DGKD: variants seen among roughly 807,000 people sequenced by gnomAD.
DGKD encodes diacylglycerol kinase delta.
Under a neutral mutation model 154.4 loss-of-function variants are expected in DGKD, and 68 were observed. The observed-to-expected ratio is 0.44, with a 90% CI of 0.36 to 0.54. The LOEUF (loss-of-function observed/expected upper bound fraction) is 0.54, where lower values mean the gene tolerates loss of function less well. Among genes scored for constraint, DGKD ranks in the 20% least tolerant of loss-of-function variants. DGKD has a pLI of 0.00. For missense variants in DGKD, 1,343 were observed against 1,593.6 expected (o/e 0.84, Z 2.68); for synonymous variants, 693 against 638.0 (o/e 1.09, Z -1.30).
chr2:233,379,514 G>T (rs1702773293), intron 1 of DGKD, among the ~76,000 whole-genome samples: 1 of 152,140 alleles, frequency 6.6e-6, no homozygotes, highest in African/African-American at 2.4e-5. Context: ...AGTCACCTGG[G>T]AGTTTTTAAC....
At chr2:233,382,340 T>C (rs879652644) in intron 1 of DGKD, among the ~76,000 whole-genome samples, 9 of 152,222 alleles carry the variant, frequency 5.9e-5, no homozygotes, top group African/African-American at 2.2e-4. Context: ...ATTTCCACTT[T>C]TGGGGGGCTT....
chr2:233,367,772 G>T (rs1183474416), intron 1 of DGKD, among the ~76,000 whole-genome samples: 3 of 151,568 alleles, frequency 2.0e-5, no homozygotes, highest in African/African-American at 7.3e-5. Flanking sequence ...AGGTGGGTGT[G>T]TCCTGTCAGG....
At chr2:233,421,626 C>T (rs1039808306) in intron 3 of DGKD, among the ~76,000 whole-genome samples, 2 of 152,080 alleles carry the variant, frequency 1.3e-5, no homozygotes, top group Non-Finnish European at 2.9e-5. Context: ...CTGCTCAGCC[C>T]TTCCCACCTC....
intron 1 of DGKD, among the ~76,000 whole-genome samples, chr2:233,384,389 A>C (rs1332312062): frequency 6.6e-6 from 1 of 151,806 alleles, no homozygotes; most frequent in East Asian, 1.9e-4. Context: ...CTGGGTTCCC[A>C]TTTCCCTGGG....
chr2:233,444,737 G>A (rs895231804), intron 10 of DGKD, among the ~76,000 whole-genome samples: 16 of 150,390 alleles, frequency 1.1e-4, no homozygotes, highest in African/African-American at 3.9e-4. Context: ...ACCTTCCCTG[G>A]TGTTTGCTGT....
chr2:233,403,730 C>G lies in DGKD; in HGVS notation c.348+13247C>G, dbSNP rs919316472. Among the ~76,000 whole-genome samples, 5 of 151,620 alleles carry G rather than the reference C, an allele frequency of 3.3e-5. No individual in the cohort carries two copies. The East Asian group carries it at 9.9e-4, about 30-fold the overall frequency. On this transcript the variant is annotated intron_variant, in intron 3 of 29. Coordinates refer to ENST00000264057, the MANE Select transcript of DGKD (RefSeq NM_152879.3). ...TTTAGGCTCATTGCAACCTCTGCCT[C>G]CCGGGTTCAAGCAATTCTCCTGCCT...
At chr2:233,386,068 T>G (rs1269137638) in intron 1 of DGKD, 3 of 452,404 alleles carry the variant, frequency 6.6e-6, no homozygotes, top group African/African-American at 6.0e-5. Context: ...ATGTATGAGA[T>G]GTGTAGCAGG....
At chr2:233,364,111 A>T (rs967692158) in intron 1 of DGKD, among the ~76,000 whole-genome samples, 9 of 152,246 alleles carry the variant, frequency 5.9e-5, no homozygotes, top group Non-Finnish European at 1.3e-4. Context: ...ACCAAACAAA[A>T]AAAGAATGAC....
Position 233,441,199 on chromosome 2 carries a change from C to T in DGKD, c.1086-688C>T, listed in dbSNP as rs1055918973. 2.5e-4 allele frequency among the ~76,000 whole-genome samples: 38 copies of T among 152,164 alleles called. No individual in the cohort carries two copies. Among genetic ancestry groups the T allele is most frequent in the Middle Eastern group, 3.4e-3 (1 of 294 alleles). ...GCGGCACTGGTCTCCTGAGTGGGGA[C>T]GCTGCTGGGCAGGGGCAGGGGGAGC... On this transcript the variant is annotated intron_variant, in intron 9 of 29. Transcript: ENST00000264057. This position sits in a 1 kb window ranked among gnomAD's most constrained non-coding sequence, Gnocchi z 5.6.
intron 5 of DGKD, among the ~76,000 whole-genome samples, chr2:233,435,494 T>C (rs1036622057): frequency 6.6e-6 from 1 of 152,196 alleles, no homozygotes; most frequent in Non-Finnish European, 1.5e-5. Flanking sequence ...TTTGTGCCCG[T>C]AAAAAAACAT....
chr2:233,396,973 G>GA (rs1559501164), intron 3 of DGKD, among the ~76,000 whole-genome samples: 11 of 120,616 alleles, frequency 9.1e-5, no homozygotes, highest in South Asian at 3.0e-4. Context: ...CAGGGTGGCT[G>GA]GGGGGGGCAG....
intron 3 of DGKD, among the ~76,000 whole-genome samples, chr2:233,416,322 C>A (rs2061959841): frequency 6.6e-6 from 1 of 152,152 alleles, no homozygotes; most frequent in African/African-American, 2.4e-5. Flanking sequence ...CACAAACAGG[C>A]TTGAATCAAT....
rs928851495 is a variant in DGKD, at chr2:233,419,107, A to G, written c.349-15273A>G. On this transcript the variant is annotated intron_variant, in intron 3 of 29. Coordinates refer to ENST00000264057, the MANE Select transcript of DGKD (RefSeq NM_152879.3). Reference sequence around the variant, plus strand: ...ATCGGAACAGCAGGATGTGAGTAACAGGAAGTGACAGAAATGACCCAGGGC... The same window carrying G: ...ATCGGAACAGCAGGATGTGAGTAACGGGAAGTGACAGAAATGACCCAGGGC... The G allele has an allele frequency of 2.1e-5, 9 of 438,706 alleles. No homozygotes were observed. The East Asian group carries it at 1.3e-3, about 61-fold the overall frequency. 27.2% of individuals were successfully genotyped at this position (438,706 alleles called of 1,614,324 possible).
intron 19 of DGKD, among the ~76,000 whole-genome samples, chr2:233,456,440 C>T (rs2063464733): frequency 2.0e-5 from 3 of 152,204 alleles, no homozygotes; most frequent in Admixed American, 2.0e-4. Flanking sequence ...TGAGGAAATA[C>T]ATAGCAGCAC....
chr2:233,408,514 C>T (rs2061742670), intron 3 of DGKD, among the ~76,000 whole-genome samples: 1 of 152,200 alleles, frequency 6.6e-6, no homozygotes. Flanking sequence ...AGCTCCTGCC[C>T]CCTGGGCTCA....
chr2:233,386,236 C>T, intron 1 of DGKD: 2 of 323,876 alleles, frequency 6.2e-6, no homozygotes, highest in Non-Finnish European at 1.2e-5. Context: ...GAATGGGGGG[C>T]CAGGAGAGAC....
At position 233,354,885 on chromosome 2, in the gene DGKD, C is replaced by T. The variant is rs1701468856; in HGVS notation, c.156+211C>T. On this transcript the variant is annotated intron_variant, in intron 1 of 29. Transcript: ENST00000264057. The surrounding 1 kb of genome is among the most constrained non-coding windows in gnomAD (Gnocchi z 4.8). ...GCGGCCCCCGACGGACGGCGGGCGG[C>T]TGTGGGGCCGGGCGGGGGGCGCGCA... 1.3e-4 allele frequency among the ~76,000 whole-genome samples: 19 copies of T among 145,400 alleles called. No homozygotes were observed. The South Asian group carries it at 4.0e-3, about 30-fold the overall frequency.
Position 233,460,360 on chromosome 2 carries a change from C to A in DGKD, c.2981+15C>A, listed in dbSNP as rs749792611. 1.9e-6 allele frequency: 3 copies of A among 1,613,396 alleles called. No homozygotes were observed. The highest frequency in any genetic ancestry group is 2.5e-6 in the Non-Finnish European group (3 of 1,179,682). ...CTCATTCACAGGTGGGCTCCTACCCCTCTGCGTTGCGCATGAGCCTCCCCC... is the reference window on the plus strand; with the variant it reads ...CTCATTCACAGGTGGGCTCCTACCCATCTGCGTTGCGCATGAGCCTCCCCC... On this transcript the variant is annotated intron_variant, in intron 24 of 29. Coordinates refer to ENST00000264057, the MANE Select transcript of DGKD (RefSeq NM_152879.3).
chr2:233,463,909 C>T (rs1273498388), intron 26 of DGKD: 1 of 476,518 alleles, frequency 2.1e-6, no homozygotes. Context: ...GGGACACAAG[C>T]AGGTCAGTTG....
Sources: allele counts gnomAD v4.1 joint callset (sites outside exome capture counted in the v4.1 genomes callset), GRCh38; gene constraint gnomAD v4.1.1; non-coding constraint Gnocchi (gnomAD v3.1); transcripts MANE v1.5; gene names NCBI Gene and HGNC (gene_info 2026-07-23, HGNC 2026-07-21).